Variants in FGFR1 observed in about 807,000 individuals in gnomAD.
The protein encoded by FGFR1 is fibroblast growth factor receptor 1.
FGFR1 carries 18 observed loss-of-function variants against 93.7 expected under a neutral mutation model. The ratio of observed to expected loss-of-function variants is 0.19; its 90% confidence interval spans 0.13 to 0.28. The LOEUF is 0.28. FGFR1 is among the 10% of genes least tolerant of loss of function. The probability of loss-of-function intolerance (pLI) is 1.00; values close to 1 mark genes in which losing one functional copy is unlikely to be tolerated. For synonymous variants in FGFR1, 448 were observed against 429.3 expected (o/e 1.04, Z -0.54); for missense variants, 731 against 1,080.4 (o/e 0.68, Z 4.53).
In FGFR1 at chr8:38,429,478, G is replaced by A. The variant is rs150619723; in HGVS notation, c.358+204C>T. 6 of 708,900 alleles carry A rather than the reference G, an allele frequency of 8.5e-6. No individual in the cohort carries two copies. Among genetic ancestry groups the A allele is most frequent in the East Asian group, 2.7e-5 (1 of 37,142 alleles). 43.9% of individuals were successfully genotyped at this position (708,900 alleles called of 1,614,324 possible). A position where few individuals can be genotyped will look rare whatever the true frequency, so the allele number is the denominator to read the frequency against. ...TGTGTCCTGGAAGCCCCAGATCTCCGGCCCTGGGGCCCACCCCACCTAGTC... is the reference window on the plus strand; with the variant it reads ...TGTGTCCTGGAAGCCCCAGATCTCCAGCCCTGGGGCCCACCCCACCTAGTC... On this transcript the variant is annotated intron_variant, in intron 3 of 17. Transcript: ENST00000447712. The surrounding 1 kb of genome is among the most constrained non-coding windows in gnomAD (Gnocchi z 4.4).
chr8:38,436,539 G>A (rs548362245), intron 2 of FGFR1, among the ~76,000 whole-genome samples: 1 of 152,148 alleles, frequency 6.6e-6, no homozygotes, highest in South Asian at 2.1e-4. Context: ...GCAGGTTCCT[G>A]GGTCAAAGCA....
At chr8:38,458,372 CT>C (rs1227327981) in intron 1 of FGFR1, among the ~76,000 whole-genome samples, 1 of 152,104 alleles carries the variant, frequency 6.6e-6, no homozygotes, top group South Asian at 2.1e-4. Context: ...GAAATCCCAT[CT>C]CTACTAAAAA....
intron 1 of FGFR1, chr8:38,463,520 G>C (rs1391762698): frequency 4.5e-6 from 1 of 221,606 alleles, no homozygotes; most frequent in Non-Finnish European, 9.0e-6. Context: ...CAGGGTCTGT[G>C]CCTCCCTAAC....
chr8:38,462,620 CTTT>C (rs1454847995), intron 1 of FGFR1, among the ~76,000 whole-genome samples: 1 of 151,852 alleles, frequency 6.6e-6, no homozygotes, highest in African/African-American at 2.4e-5. Flanking sequence ...TTCTTCCTTT[CTTT>C]TTTTCTTTGA....
intron 7 of FGFR1, chr8:38,423,525 T>C (rs946474481): frequency 8.8e-5 from 23 of 262,246 alleles, no homozygotes; most frequent in Non-Finnish European, 1.4e-4. Context: ...TTTCACCATG[T>C]TGGCCGGGCT....
chr8:38,417,802 G>T (rs1404368050), intron 11 of FGFR1, 68 bp downstream of exon 11: 2 of 1,612,324 alleles, frequency 1.2e-6, no homozygotes, highest in African/African-American at 2.7e-5. Flanking sequence ...TGTTCTGCTG[G>T]GCCCGAGGCC....
At chr8:38,464,061 T>C (rs1268806268) in intron 1 of FGFR1, among the ~76,000 whole-genome samples, 2 of 151,994 alleles carry the variant, frequency 1.3e-5, no homozygotes, top group African/African-American at 4.8e-5. Flanking sequence ...ACACCTGTAA[T>C]CCCAGCATTT....
Position 38,429,743 on chromosome 8 carries a change from A to G in FGFR1, c.297T>C (p.Tyr99=), listed in dbSNP as rs552562422. Residue 99 remains tyrosine, a synonymous_variant, in exon 3 of 18, where the codon TAT becomes TAC. Coordinates refer to ENST00000447712, the MANE Select transcript of FGFR1 (RefSeq NM_023110.3). The surrounding 1 kb of genome is among the most constrained non-coding windows in gnomAD (Gnocchi z 4.4). The part of the protein sequence containing the change: ...QDSVPADSGL[Y]ACVTSSPSGS... ...CCGAGGGGCTGCTGGTTACGCAAGCATAGAGGCCGGAGTCTGCGGGCACGG... is the reference window on the plus strand; with the variant it reads ...CCGAGGGGCTGCTGGTTACGCAAGCGTAGAGGCCGGAGTCTGCGGGCACGG... 1.0e-4 allele frequency: 160 copies of G among 1,591,716 alleles called. No homozygotes were observed. The highest frequency in any genetic ancestry group is 1.3e-4 in the Non-Finnish European group (154 of 1,168,896).
At chr8:38,459,636 T>C (rs772307646) in intron 1 of FGFR1, among the ~76,000 whole-genome samples, 1 of 152,182 alleles carries the variant, frequency 6.6e-6, no homozygotes, top group Non-Finnish European at 1.5e-5. Context: ...TAAGTTTTAT[T>C]ATTCCTTTTA....
rs374674165 is a variant in FGFR1 at position 38,419,638 on chromosome 8, C to T, written c.1179G>A (p.Ser393=). The T allele has an allele frequency of 1.6e-5, 26 of 1,613,938 alleles. No homozygotes were observed. The highest frequency in any genetic ancestry group is 2.0e-5 in the Non-Finnish European group (24 of 1,179,994). Residue 393 remains serine, a synonymous_variant, in exon 9 of 18, where the codon TCG becomes TCA. Transcript: ENST00000447712. ...CACTCTTCATCTTGTAGACGATGAC[C>T]GACCCCACCATGCAGGAGATGAGGA... ...GAFLISCMVG[S]VIVYKMKSGT... is the part of the protein sequence containing the mutation.
rs2150517061 is a variant in FGFR1, at chr8:38,413,896, G to C, written c.2292+22C>G. ...CGCAGTGGGGACGGCCTGAGCTCTGGCTCTGGCACGGGCAGCCTTACCTGG... is the reference window on the plus strand; with the variant it reads ...CGCAGTGGGGACGGCCTGAGCTCTGCCTCTGGCACGGGCAGCCTTACCTGG... On this transcript the variant is annotated intron_variant, in intron 17 of 17. Coordinates refer to ENST00000447712, the MANE Select transcript of FGFR1 (RefSeq NM_023110.3). This position sits in a 1 kb window ranked among gnomAD's most constrained non-coding sequence, Gnocchi z 4.2. The C allele has an allele frequency of 6.2e-7, 1 of 1,613,604 alleles. No homozygotes were observed.
chr8:38,422,276 G>A (rs918441733), intron 7 of FGFR1: 2 of 463,912 alleles, frequency 4.3e-6, no homozygotes, highest in South Asian at 4.2e-5. Flanking sequence ...TTGGTTTCAG[G>A]TAAAGATAGC....
At chr8:38,419,313 C>T (rs956226289) in intron 9 of FGFR1, among the ~76,000 whole-genome samples, 7 of 152,150 alleles carry the variant, frequency 4.6e-5, no homozygotes, top group Admixed American at 2.0e-4. Context: ...CCCAGGAGTC[C>T]GGAGGACTTG....
At chr8:38,418,465 G>C in intron 9 of FGFR1, 92 bp from the exon 10 acceptor site, 2 of 1,410,830 alleles carry the variant, frequency 1.4e-6, no homozygotes, top group South Asian at 2.5e-5. Flanking sequence ...CAATGGCAGA[G>C]GCACATGTCT....
At chr8:38,420,039 G>A (rs142060093) in intron 8 of FGFR1, 43 of 412,544 alleles carry the variant, frequency 1.0e-4, no homozygotes, top group Middle Eastern at 7.1e-4. Flanking sequence ...AGAGGTACAG[G>A]CACCCAGGGA....
chr8:38,433,945 A>G (rs1345282113), intron 2 of FGFR1, among the ~76,000 whole-genome samples: 1 of 152,192 alleles, frequency 6.6e-6, no homozygotes, highest in Non-Finnish European at 1.5e-5. Flanking sequence ...CCCCAGTCTA[A>G]GCAACCACTA....
At chr8:38,419,872 G>C (rs1818094636) in intron 8 of FGFR1, 137 bp from the exon 9 acceptor site, 7 of 702,798 alleles carry the variant, frequency 1.0e-5, no homozygotes, top group Non-Finnish European at 1.7e-5. Flanking sequence ...GTTCTAGCTA[G>C]GACTGGGATT....
chr8:38,434,012 T>C (rs760917421), intron 2 of FGFR1, among the ~76,000 whole-genome samples: 51 of 152,230 alleles, frequency 3.4e-4, no homozygotes, highest in Admixed American at 2.9e-3. Flanking sequence ...AATGGAATCA[T>C]ACAATATGTG....
intron 2 of FGFR1, among the ~76,000 whole-genome samples, chr8:38,439,483 G>A (rs1012879969): frequency 6.6e-6 from 1 of 152,022 alleles, no homozygotes; most frequent in African/African-American, 2.4e-5. Context: ...GAGCTGGTCC[G>A]CCCTCCCCCT....
Sources: allele counts gnomAD v4.1 joint callset (sites outside exome capture counted in the v4.1 genomes callset), GRCh38; gene constraint gnomAD v4.1.1; non-coding constraint Gnocchi (gnomAD v3.1); transcripts MANE v1.5; gene names NCBI Gene and HGNC (gene_info 2026-07-23, HGNC 2026-07-21).